The following PDE4D variants were observed in gnomAD, a reference collection of about 807,000 sequenced individuals.
PDE4D encodes phosphodiesterase 4D.
A neutral mutation model predicts 87.4 loss-of-function variants in PDE4D; 24 were observed. That is an observed-to-expected ratio of 0.27 (90% confidence interval 0.20 to 0.39). The LOEUF is 0.39. Among genes scored for constraint, PDE4D ranks in the 10% least tolerant of loss-of-function variants. The pLI is 1.00. For missense variants in PDE4D, 714 were observed against 1,041.0 expected (o/e 0.69, Z 4.32); for synonymous variants, 384 against 383.2 (o/e 1.00, Z -0.02).
At chr5:59,255,893 C>A (rs2153532352) in intron 1 of PDE4D, among the ~76,000 whole-genome samples, 1 of 152,142 alleles carries the variant, frequency 6.6e-6, no homozygotes, top group East Asian at 1.9e-4. Flanking sequence ...CTAGAGAGGT[C>A]TTCCTCATAG....
intron 1 of PDE4D, among the ~76,000 whole-genome samples, chr5:59,575,232 G>A (rs1822939263): frequency 1.3e-5 from 2 of 152,152 alleles, no homozygotes; most frequent in African/African-American, 2.4e-5. Flanking sequence ...AGAGCCACAC[G>A]TAGAGGCTGG....
chr5:59,820,098 C>T (rs1424947879), intron 1 of PDE4D, among the ~76,000 whole-genome samples: 2 of 152,208 alleles, frequency 1.3e-5, no homozygotes, highest in Non-Finnish European at 2.9e-5. Context: ...GATGAAGATG[C>T]TATGGGTGGG....
At chr5:59,632,107 A>G (rs1208584881) in intron 1 of PDE4D, among the ~76,000 whole-genome samples, 1 of 152,176 alleles carries the variant, frequency 6.6e-6, no homozygotes, top group African/African-American at 2.4e-5. Flanking sequence ...TTTCCCTCAC[A>G]GTGTAAACAA....
At chr5:59,924,342 CAA>C (rs976630255) in intron 3 of PDE4D, among the ~76,000 whole-genome samples, 2 of 151,840 alleles carry the variant, frequency 1.3e-5, no homozygotes, top group Non-Finnish European at 2.9e-5. Context: ...GAGAACTTCC[CAA>C]AGCTAGGGAA....
chr5:60,317,293 C>T (rs1755713910), intron 1 of PDE4D, among the ~76,000 whole-genome samples: 1 of 152,144 alleles, frequency 6.6e-6, no homozygotes, highest in Non-Finnish European at 1.5e-5. Context: ...TTATAGTATT[C>T]TCTAACGGTA....
At chr5:60,111,805 TA>T (rs1464216882) in intron 2 of PDE4D, among the ~76,000 whole-genome samples, 1 of 151,954 alleles carries the variant, frequency 6.6e-6, no homozygotes, top group Non-Finnish European at 1.5e-5. Flanking sequence ...TTTAATACAA[TA>T]AAAACCTAAA....
At position 58,993,336 on chromosome 5, in the gene PDE4D, G is replaced by A. The variant is rs776388844; in HGVS notation, c.1015+36C>T. ...TACAAAAACAAACAAGCAAACAACTGAAGAAAAAAATTTAATTGCATGTTG... is the reference window on the plus strand; with the variant it reads ...TACAAAAACAAACAAGCAAACAACTAAAGAAAAAAATTTAATTGCATGTTG... On this transcript the variant is annotated intron_variant, in intron 7 of 14. Transcript: ENST00000340635. 5 of 1,274,434 alleles carry A rather than the reference G, an allele frequency of 3.9e-6. No individual in the cohort carries two copies. The Admixed American group carries it at 7.0e-5, about 18-fold the overall frequency. The allele number at this position is 1,274,434 out of a possible 1,614,324, so 78.9% of individuals were successfully genotyped here.
intron 6 of PDE4D, chr5:59,000,075 C>T (rs1256674254): frequency 2.0e-5 from 4 of 197,932 alleles, no homozygotes; most frequent in African/African-American, 4.7e-5. Flanking sequence ...AAGGGCCAGC[C>T]TCTGGGGAGG....
In PDE4D at chr5:60,313,251, T is replaced by C. The variant is rs144617884; in HGVS notation, c.-89-127564A>G. Among the ~76,000 whole-genome samples, 8 of 152,188 alleles carry C rather than the reference T, an allele frequency of 5.3e-5. 1 individual carries two copies. Among genetic ancestry groups the C allele is most frequent in the African/African-American group, 1.7e-4 (7 of 41,538 alleles). On this transcript the variant is annotated intron_variant, in intron 1 of 16. Coordinates refer to the PDE4D transcript ENST00000502484. ...AAATCAGAAATGGTAAAGGGGATAT[T>C]ACCATCGACCCAACAGAAATACAAA...
At chr5:59,382,604 T>C (rs1007110944) in intron 1 of PDE4D, among the ~76,000 whole-genome samples, 6 of 152,194 alleles carry the variant, frequency 3.9e-5, no homozygotes, top group African/African-American at 1.4e-4. Context: ...AGGCCAATTC[T>C]CATAGTCCAT....
intron 2 of PDE4D, among the ~76,000 whole-genome samples, chr5:60,041,305 A>C (rs973203540): frequency 6.6e-6 from 1 of 151,988 alleles, no homozygotes; most frequent in Non-Finnish European, 1.5e-5. Context: ...CAAAGCCTCC[A>C]TTTCTCTTGA....
chr5:60,083,771 T>C (rs1477740193), intron 2 of PDE4D, among the ~76,000 whole-genome samples: 2 of 152,170 alleles, frequency 1.3e-5, no homozygotes, highest in African/African-American at 2.4e-5. Context: ...CATAGAACGG[T>C]TTAAGGAAGT....
At chr5:60,500,052 T>A (rs1749997852) in intron 1 of PDE4D, among the ~76,000 whole-genome samples, 1 of 152,048 alleles carries the variant, frequency 6.6e-6, no homozygotes, top group East Asian at 1.9e-4. Flanking sequence ...CTCATACCTC[T>A]AATCCCAGCA....
At chr5:59,635,194 G>T (rs561184442) in intron 1 of PDE4D, among the ~76,000 whole-genome samples, 1 of 152,168 alleles carries the variant, frequency 6.6e-6, no homozygotes, top group Non-Finnish European at 1.5e-5. Context: ...CCAGAAAGAA[G>T]TGGAATCCCT....
chr5:59,015,128 C>T (rs192661445), intron 6 of PDE4D, among the ~76,000 whole-genome samples: 208 of 152,148 alleles, frequency 1.4e-3, no homozygotes, highest in African/African-American at 3.6e-3. Context: ...TAATTCAAGA[C>T]GGATTAAAGA....
intron 3 of PDE4D, 21 bp downstream of exon 3, chr5:59,193,479 C>T (rs374735907): frequency 5.6e-6 from 9 of 1,610,156 alleles, no homozygotes; most frequent in Non-Finnish European, 7.6e-6. Context: ...GAAACCTGCC[C>T]ATTCACCAAG....
chr5:60,196,858 G>A (rs1477076614), intron 1 of PDE4D, among the ~76,000 whole-genome samples: 2 of 151,366 alleles, frequency 1.3e-5, no homozygotes, highest in African/African-American at 4.8e-5. Flanking sequence ...GTAAATTTGA[G>A]AAGTATTAGA....
intron 1 of PDE4D, among the ~76,000 whole-genome samples, chr5:60,293,561 T>A (rs919495263): frequency 1.5e-4 from 23 of 152,230 alleles, no homozygotes; most frequent in African/African-American, 5.3e-4. Context: ...ATCCTTATGA[T>A]ACAGAACATT....
At chr5:59,250,546 G>C (rs1358212519) in intron 1 of PDE4D, among the ~76,000 whole-genome samples, 7 of 151,332 alleles carry the variant, frequency 4.6e-5, no homozygotes, top group Admixed American at 4.0e-4. Flanking sequence ...AAGGGTCATT[G>C]TGCCTTGAAT....
Sources: gnomAD v4.1 joint callset for allele counts (sites outside exome capture counted in the v4.1 genomes callset) on GRCh38, gnomAD v4.1.1 for gene constraint, MANE v1.5 for transcripts, NCBI Gene and HGNC (gene_info 2026-07-23, HGNC 2026-07-21) for gene names.